Variants in SRPK1 observed in about 807,000 individuals in gnomAD.
SRPK1 encodes the protein SRSF protein kinase 1, also known as SFRS protein kinase 1.
A neutral mutation model predicts 89.5 loss-of-function variants in SRPK1; 52 were observed. The ratio of observed to expected loss-of-function variants is 0.58; its 90% CI spans 0.46 to 0.73. The LOEUF is 0.73. Ranked by LOEUF, SRPK1 falls within the 30% of genes least tolerant of loss-of-function variation. SRPK1 has a pLI of 0.00. For missense variants in SRPK1, 603 were observed against 780.6 expected (o/e 0.77, Z 2.71); for synonymous variants, 255 against 270.2 (o/e 0.94, Z 0.55).
chr6:35,867,665 A>T (rs1445836460), intron 12 of SRPK1, among the ~76,000 whole-genome samples: 1 of 152,028 alleles, frequency 6.6e-6, no homozygotes, highest in African/African-American at 2.4e-5. Flanking sequence ...AAAATACAAA[A>T]ATTAGCCAGG....
intron 15 of SRPK1, among the ~76,000 whole-genome samples, chr6:35,836,119 AGCATTACTGC>A (rs1769173232): frequency 6.6e-6 from 1 of 152,186 alleles, no homozygotes; most frequent in Admixed American, 6.5e-5. Context: ...TGGGCCAGCA[AGCATTACTGC>A]CTAAGCTCCA....
At chr6:35,893,698 G>C (rs1770568922) in intron 2 of SRPK1, among the ~76,000 whole-genome samples, 1 of 152,080 alleles carries the variant, frequency 6.6e-6, no homozygotes, top group Non-Finnish European at 1.5e-5. Flanking sequence ...GCATTCAGTG[G>C]GACCAAACAT....
At chr6:35,853,887 G>GCT (rs1297867708) in intron 13 of SRPK1, among the ~76,000 whole-genome samples, 1 of 143,326 alleles carries the variant, frequency 7.0e-6, no homozygotes, top group African/African-American at 2.6e-5. Context: ...TTCGGAGATT[G>GCT]TTTTTTTTTT....
chr6:35,889,197 T>C (rs1770468679), intron 3 of SRPK1, among the ~76,000 whole-genome samples: 1 of 152,178 alleles, frequency 6.6e-6, no homozygotes, highest in South Asian at 2.1e-4. Context: ...TTGTATATCA[T>C]GATATTCTTG....
At chr6:35,838,869 T>A (rs541259302) in intron 14 of SRPK1, 37 of 1,324,524 alleles carry the variant, frequency 2.8e-5, no homozygotes, top group Non-Finnish European at 3.7e-5. Flanking sequence ...AATAGCTTTT[T>A]CAAGGACTAG....
chr6:35,876,394 T>A (rs1260658348), intron 6 of SRPK1, among the ~76,000 whole-genome samples: 1 of 152,166 alleles, frequency 6.6e-6, no homozygotes, highest in African/African-American at 2.4e-5. Context: ...CCTAGCACTT[T>A]GGGAGGCCGA....
At chr6:35,908,837 T>G (rs1414951154) in intron 2 of SRPK1, among the ~76,000 whole-genome samples, 1 of 152,230 alleles carries the variant, frequency 6.6e-6, no homozygotes, top group Non-Finnish European at 1.5e-5. Flanking sequence ...AGGTACAGCT[T>G]GGGCCATTGC....
chr6:35,917,572 GA>G (rs1771138750), intron 2 of SRPK1, among the ~76,000 whole-genome samples: 1 of 152,168 alleles, frequency 6.6e-6, no homozygotes, highest in Non-Finnish European at 1.5e-5. Context: ...CCAGCACAGT[GA>G]AAAGAACCCA....
intron 2 of SRPK1, among the ~76,000 whole-genome samples, chr6:35,901,572 T>G (rs1770739187): frequency 1.3e-5 from 2 of 152,206 alleles, no homozygotes; most frequent in Non-Finnish European, 2.9e-5. Context: ...AAGAAAACCA[T>G]GTTTGTATAC....
At chr6:35,888,959 A>C (rs777740262) in intron 3 of SRPK1, 36 bp from the exon 4 acceptor site, 4 of 1,413,802 alleles carry the variant, frequency 2.8e-6, no homozygotes. Flanking sequence ...CAGAAAAACC[A>C]GGATGAGAAA....
intron 1 of SRPK1, 46 bp downstream of exon 1, chr6:35,920,998 C>G (rs908851082): frequency 2.6e-6 from 4 of 1,529,580 alleles, no homozygotes; most frequent in Admixed American, 2.0e-5. Context: ...CGGGCCTCGC[C>G]CCGGCGACCA....
intron 2 of SRPK1, among the ~76,000 whole-genome samples, chr6:35,896,290 T>C (rs953472881): frequency 5.3e-5 from 8 of 152,120 alleles, no homozygotes; most frequent in Admixed American, 2.0e-4. Flanking sequence ...GCAGAACTGA[T>C]TGGGTGGTGT....
intron 7 of SRPK1, 142 bp downstream of exon 7, chr6:35,874,091 T>C (rs1414845350): frequency 3.2e-6 from 2 of 617,874 alleles, no homozygotes; most frequent in South Asian, 1.9e-5. Context: ...CCTCCCAAAG[T>C]GCTGGGATTA....
intron 2 of SRPK1, among the ~76,000 whole-genome samples, chr6:35,907,318 A>T (rs552649970): frequency 2.0e-4 from 31 of 152,344 alleles, no homozygotes; most frequent in Non-Finnish European, 4.3e-4. Flanking sequence ...GTTTAAAAAA[A>T]TTTAGGGCAA....
chr6:35,880,742 A>AAAAAAAAAAAAAAAGAAAGAAAG lies in SRPK1; in HGVS notation c.478+5981_478+5982insCTTTCTTTCTTTTTTTTTTTTTT. Among the ~76,000 whole-genome samples, 7 of 28,174 alleles carry AAAAAAAAAAAAAAAGAAAGAAAG rather than the reference A, an allele frequency of 2.5e-4. 1 individual carries two copies. The highest frequency in any genetic ancestry group is 1.6e-3 in the African/African-American group (5 of 3,184). The allele number at this position is 28,174 out of a possible 152,430, so 18.5% of individuals were successfully genotyped here. A position where few individuals can be genotyped will look rare whatever the true frequency, so the allele number is the denominator to read the frequency against. On this transcript the variant is annotated intron_variant, in intron 6 of 15. Transcript: ENST00000373825. ...CTCAAAAAAAAAAAAAAAGAAAAAA[A>AAAAAAAAAAAAAAAGAAAGAAAG]AAAAAAAAGAAAAGAAAAGAAGAAG...
chr6:35,878,298 A>AAG (rs1770200609), intron 6 of SRPK1, among the ~76,000 whole-genome samples: 2 of 152,228 alleles, frequency 1.3e-5, no homozygotes, highest in African/African-American at 2.4e-5. Flanking sequence ...TCTTGATGCC[A>AAG]GGTAATAAAC....
At chr6:35,900,000 CA>C (rs900674018) in intron 2 of SRPK1, among the ~76,000 whole-genome samples, 9 of 130,954 alleles carry the variant, frequency 6.9e-5, no homozygotes, top group Non-Finnish European at 9.8e-5. Context: ...GACTCCATCG[CA>C]AAAAAAAAAT....
intron 7 of SRPK1, among the ~76,000 whole-genome samples, chr6:35,874,013 G>C (rs980174716): frequency 6.6e-6 from 1 of 150,728 alleles, no homozygotes; most frequent in African/African-American, 2.4e-5. Context: ...ATTTTGAGTA[G>C]AGAGGAGGTT....
In SRPK1 at chr6:35,889,870, A is replaced by G. The variant is rs188163802; in HGVS notation, c.194-947T>C. On this transcript the variant is annotated intron_variant, in intron 3 of 15. Transcript: ENST00000373825. ...TCCCAGCACTTTGGGAGGCTGAGGC[A>G]GACGGATCACAAGGTCAGGAGATCG... Among the ~76,000 whole-genome samples, 481 of 150,958 alleles carry G rather than the reference A, an allele frequency of 3.2e-3. 1 individual carries two copies. Among genetic ancestry groups the G allele is most frequent in the African/African-American group, 0.011 (456 of 41,108 alleles).
Sources: allele counts gnomAD v4.1 joint callset (sites outside exome capture counted in the v4.1 genomes callset), GRCh38; gene constraint gnomAD v4.1.1; transcripts MANE v1.5; gene names NCBI Gene and HGNC (gene_info 2026-07-23, HGNC 2026-07-21).